Variants in SPOCK1 observed in about 807,000 individuals in gnomAD.
SPOCK1 encodes testican-1.
A neutral mutation model predicts 55.3 loss-of-function variants in SPOCK1; 23 were observed. The ratio of observed to expected loss-of-function variants is 0.42; its 90% confidence interval spans 0.30 to 0.59. The LOEUF (loss-of-function observed/expected upper bound fraction) is 0.59, where lower values mean the gene tolerates loss of function less well. Ranked by LOEUF, SPOCK1 falls within the 20% of genes least tolerant of loss-of-function variation. The pLI is 0.22. For synonymous variants in SPOCK1, 226 were observed against 221.0 expected, an observed-to-expected ratio of 1.02 and a Z score of -0.20; for missense variants, 499 against 552.5, an observed-to-expected ratio of 0.90 and a Z score of 0.97.
chr5:137,387,103 CAAT>C (rs1251740066), intron 2 of SPOCK1, among the ~76,000 whole-genome samples: 5 of 152,144 alleles, frequency 3.3e-5, no homozygotes, highest in African/African-American at 4.8e-5. Context: ...AATAAAACAA[CAAT>C]GAGATCCCAT....
intron 2 of SPOCK1, among the ~76,000 whole-genome samples, chr5:137,352,663 G>A (rs1168135090): frequency 6.6e-6 from 1 of 152,026 alleles, no homozygotes; most frequent in East Asian, 1.9e-4. Context: ...AGTGGAGGGA[G>A]AAGAAAGGTG....
At chr5:137,350,659 T>C (rs1750657503) in intron 2 of SPOCK1, among the ~76,000 whole-genome samples, 1 of 152,120 alleles carries the variant, frequency 6.6e-6, no homozygotes, top group Admixed American at 6.5e-5. Flanking sequence ...AGGGCAGGAC[T>C]CTTTCTAGTT....
At chr5:137,156,778 G>A (rs1410882291) in intron 3 of SPOCK1, among the ~76,000 whole-genome samples, 1 of 152,074 alleles carries the variant, frequency 6.6e-6, no homozygotes, top group Non-Finnish European at 1.5e-5. Flanking sequence ...GTTGAGAGAA[G>A]AACCAGAATT....
intron 3 of SPOCK1, among the ~76,000 whole-genome samples, chr5:137,201,944 A>G (rs367913372): frequency 1.3e-5 from 2 of 152,226 alleles, no homozygotes; most frequent in East Asian, 1.9e-4. Flanking sequence ...AGCAAGCCAC[A>G]CAACTCTCAG....
intron 3 of SPOCK1, among the ~76,000 whole-genome samples, chr5:137,161,157 A>T (rs1754551453): frequency 1.3e-5 from 2 of 148,668 alleles, no homozygotes; most frequent in Non-Finnish European, 3.0e-5. Context: ...TCTAATATAT[A>T]ATATATACGC....
chr5:137,068,372 T>C (rs1010894573), intron 5 of SPOCK1, among the ~76,000 whole-genome samples: 3 of 152,216 alleles, frequency 2.0e-5, no homozygotes, highest in African/African-American at 7.2e-5. Context: ...GTCCAAAACC[T>C]AAGTTTACAC....
At chr5:137,435,096 T>C (rs906739852) in intron 2 of SPOCK1, among the ~76,000 whole-genome samples, 9 of 152,252 alleles carry the variant, frequency 5.9e-5, no homozygotes, top group Non-Finnish European at 1.2e-4. Context: ...GTTATATTTA[T>C]AATCTTACAT....
chr5:136,989,652 GAGATTC>G (rs1750910675), intron 7 of SPOCK1, among the ~76,000 whole-genome samples: 1 of 152,078 alleles, frequency 6.6e-6, no homozygotes, highest in African/African-American at 2.4e-5. Flanking sequence ...TTGTAGAATG[GAGATTC>G]AGACCCCGGC....
intron 2 of SPOCK1, among the ~76,000 whole-genome samples, chr5:137,335,984 G>A: frequency 6.6e-6 from 1 of 152,170 alleles, no homozygotes; most frequent in Non-Finnish European, 1.5e-5. Flanking sequence ...TACCGTAACA[G>A]AGGACTCACA....
intron 2 of SPOCK1, among the ~76,000 whole-genome samples, chr5:137,498,112 G>A (rs1397358652): frequency 1.3e-5 from 2 of 152,106 alleles, no homozygotes; most frequent in East Asian, 1.9e-4. Context: ...GTCACCTCCC[G>A]CAGCCCTACG....
chr5:137,398,234 G>A (rs1198894229), intron 2 of SPOCK1, among the ~76,000 whole-genome samples: 3 of 152,132 alleles, frequency 2.0e-5, no homozygotes, highest in Non-Finnish European at 4.4e-5. Flanking sequence ...GTTGCAATGA[G>A]GTGGCACCAT....
chr5:137,039,270 CTTTT>C (rs11479277), intron 6 of SPOCK1, among the ~76,000 whole-genome samples: 1 of 88,900 alleles, frequency 1.1e-5, no homozygotes, highest in Non-Finnish European at 2.2e-5. Flanking sequence ...GCCTGCCACA[CTTTT>C]TTTTTTTTTT....
chr5:137,270,447 T>C lies in SPOCK1; in HGVS notation c.187-3392A>G, dbSNP rs149593452. ...GCAGTGTTACTACATGTCTATTTTA[T>C]GGGTTACACTGAAGAATATAATTAT... On this transcript the variant is annotated intron_variant, in intron 2 of 10. Transcript: ENST00000394945. Among the ~76,000 whole-genome samples, 1,127 of 152,336 alleles carry C rather than the reference T, an allele frequency of 7.4e-3. 15 individuals are homozygous for C. Among genetic ancestry groups the C allele is most frequent in the Non-Finnish European group, 9.5e-3 (644 of 68,038 alleles).
intron 6 of SPOCK1, among the ~76,000 whole-genome samples, chr5:137,048,928 G>T (rs1752150380): frequency 9.7e-6 from 1 of 102,966 alleles, no homozygotes; most frequent in Non-Finnish European, 2.0e-5. Flanking sequence ...ATGAAATTCT[G>T]GGTTGAAAAT....
chr5:137,498,187 T>C (rs1754339211), intron 2 of SPOCK1, among the ~76,000 whole-genome samples, 186 bp downstream of exon 2: 1 of 151,660 alleles, frequency 6.6e-6, no homozygotes, highest in African/African-American at 2.4e-5. Flanking sequence ...CTCTTTAAAG[T>C]TCCTTTCAGG....
At chr5:137,345,800 G>A (rs928472784) in intron 2 of SPOCK1, among the ~76,000 whole-genome samples, 1 of 152,160 alleles carries the variant, frequency 6.6e-6, no homozygotes, top group Admixed American at 6.5e-5. Flanking sequence ...ACAGCATGAT[G>A]CCCTCCCAGA....
chr5:137,334,087 C>G (rs1750186192), intron 2 of SPOCK1, among the ~76,000 whole-genome samples: 1 of 152,176 alleles, frequency 6.6e-6, no homozygotes, highest in Non-Finnish European at 1.5e-5. Flanking sequence ...ATTCCTCTCT[C>G]CCTCCCTGTT....
intron 9 of SPOCK1, among the ~76,000 whole-genome samples, chr5:136,981,159 T>C (rs528190075): frequency 6.6e-6 from 1 of 152,326 alleles, no homozygotes; most frequent in East Asian, 1.9e-4. Context: ...AGCAGTCTGT[T>C]CATTTATTTA....
chr5:137,465,639 C>G (rs1385785931), intron 2 of SPOCK1, among the ~76,000 whole-genome samples: 1 of 152,094 alleles, frequency 6.6e-6, no homozygotes, highest in Non-Finnish European at 1.5e-5. Flanking sequence ...ATATCCAACA[C>G]TTATTTGCAA....
Sources: gnomAD v4.1 joint callset for allele counts (sites outside exome capture counted in the v4.1 genomes callset) on GRCh38, gnomAD v4.1.1 for gene constraint, MANE v1.5 for transcripts, NCBI Gene and HGNC (gene_info 2026-07-23, HGNC 2026-07-21) for gene names.